ATRNL1: variants seen among roughly 807,000 people sequenced by gnomAD.
The protein encoded by ATRNL1 is attractin like 1.
A neutral mutation model predicts 182.7 loss-of-function variants in ATRNL1; 95 were observed. That is an observed-to-expected ratio of 0.52 (90% CI 0.44 to 0.62). The LOEUF is 0.62. ATRNL1 is among the 20% of genes least tolerant of loss of function. The probability of loss-of-function intolerance (pLI) is 0.00; values close to 1 mark genes in which losing one functional copy is unlikely to be tolerated. For synonymous variants in ATRNL1, 576 were observed against 568.3 expected, an observed-to-expected ratio of 1.01 and a Z score of -0.19; for missense variants, 1,471 against 1,679.5, an observed-to-expected ratio of 0.88 and a Z score of 2.17.
At chr10:115,819,421 C>G (rs1330230948) in intron 27 of ATRNL1, among the ~76,000 whole-genome samples, 1 of 152,060 alleles carries the variant, frequency 6.6e-6, no homozygotes, top group African/African-American at 2.4e-5. Flanking sequence ...GCCTATATCT[C>G]TAGGTTTTAA....
At chr10:115,523,032 T>C (rs574546740) in intron 25 of ATRNL1, among the ~76,000 whole-genome samples, 3 of 152,168 alleles carry the variant, frequency 2.0e-5, no homozygotes, top group Non-Finnish European at 4.4e-5. Flanking sequence ...ATTGCCTCAC[T>C]AGCATCTGTC....
intron 26 of ATRNL1, among the ~76,000 whole-genome samples, chr10:115,618,989 T>C (rs1395468960): frequency 6.6e-6 from 1 of 152,220 alleles, no homozygotes; most frequent in Non-Finnish European, 1.5e-5. Context: ...ATTTTTCCTT[T>C]AGATGTATTT....
intron 17 of ATRNL1, among the ~76,000 whole-genome samples, chr10:115,308,995 C>T (rs1473823078): frequency 2.0e-5 from 3 of 152,102 alleles, no homozygotes; most frequent in African/African-American, 4.8e-5. Flanking sequence ...ATCCCAGCAC[C>T]ATTTATTGAA....
At chr10:115,314,939 G>A (rs1564905171) in intron 17 of ATRNL1, among the ~76,000 whole-genome samples, 2 of 152,204 alleles carry the variant, frequency 1.3e-5, no homozygotes, top group African/African-American at 4.8e-5. Context: ...AGGTTTTCAT[G>A]TTCCCATCCA....
intron 26 of ATRNL1, among the ~76,000 whole-genome samples, chr10:115,651,311 G>A (rs368896759): frequency 4.6e-5 from 7 of 152,234 alleles, no homozygotes; most frequent in South Asian, 4.1e-4. Flanking sequence ...AAACTTCAGC[G>A]TCCCGCATTA....
intron 26 of ATRNL1, among the ~76,000 whole-genome samples, chr10:115,594,148 A>G (rs1257796625): frequency 6.6e-6 from 1 of 152,116 alleles, no homozygotes; most frequent in Admixed American, 6.6e-5. Context: ...TTCTTGGAAG[A>G]GGGAGAAACA....
intron 9 of ATRNL1, among the ~76,000 whole-genome samples, chr10:115,232,572 T>C (rs1440708529): frequency 6.6e-6 from 1 of 152,186 alleles, no homozygotes; most frequent in African/African-American, 2.4e-5. Context: ...GCAGAAGTTG[T>C]CAGTATTTTA....
intron 26 of ATRNL1, among the ~76,000 whole-genome samples, chr10:115,682,554 A>G (rs1289120073): frequency 7.0e-6 from 1 of 143,620 alleles, no homozygotes; most frequent in East Asian, 1.9e-4. Flanking sequence ...CAAAACGAAC[A>G]AACAAACAAA....
intron 25 of ATRNL1, among the ~76,000 whole-genome samples, chr10:115,528,298 C>G (rs964868005): frequency 1.3e-5 from 2 of 151,912 alleles, no homozygotes; most frequent in Non-Finnish European, 2.9e-5. Context: ...GATTCAATCT[C>G]CTTACTGGTT....
At chr10:115,355,746 T>C (rs2134138839) in intron 19 of ATRNL1, among the ~76,000 whole-genome samples, 1 of 152,278 alleles carries the variant, frequency 6.6e-6, no homozygotes. Flanking sequence ...GTTGGTATTA[T>C]GAATACATTT....
intron 18 of ATRNL1, among the ~76,000 whole-genome samples, chr10:115,321,546 G>T (rs1854584571): frequency 6.6e-6 from 1 of 151,738 alleles, no homozygotes; most frequent in Non-Finnish European, 1.5e-5. Context: ...TTGTTTTTAT[G>T]ATGGCAAATA....
chr10:115,506,517 TGGAA>T (rs1554981329), intron 24 of ATRNL1, among the ~76,000 whole-genome samples: 18 of 151,974 alleles, frequency 1.2e-4, no homozygotes, highest in African/African-American at 4.3e-4. Context: ...GCCTAGAAGC[TGGAA>T]AAAAAACTAA....
At chr10:115,838,555 G>A (rs1168051702) in intron 27 of ATRNL1, among the ~76,000 whole-genome samples, 1 of 152,140 alleles carries the variant, frequency 6.6e-6, no homozygotes, top group African/African-American at 2.4e-5. Context: ...TAAGTAACAA[G>A]CAAGCTGGCA....
At chr10:115,440,980 A>T (rs1846644841) in intron 21 of ATRNL1, among the ~76,000 whole-genome samples, 2 of 151,762 alleles carry the variant, frequency 1.3e-5, no homozygotes, top group Non-Finnish European at 2.9e-5. Context: ...AAGCAAATAG[A>T]TGCGAATGTT....
At chr10:115,580,585 T>A (rs1242866613) in intron 26 of ATRNL1, among the ~76,000 whole-genome samples, 8 of 152,122 alleles carry the variant, frequency 5.3e-5, no homozygotes, top group Admixed American at 1.3e-4. Flanking sequence ...GGATTCATAT[T>A]ATTTGATGTA....
At chr10:115,094,299 G>T (rs185132102) in intron 1 of ATRNL1, among the ~76,000 whole-genome samples, 1 of 152,182 alleles carries the variant, frequency 6.6e-6, no homozygotes, top group Non-Finnish European at 1.5e-5. Context: ...GAGCGTTCCA[G>T]ATGTCCGCAG....
At chr10:115,798,697 A>T (rs571369222) in intron 27 of ATRNL1, among the ~76,000 whole-genome samples, 2 of 152,300 alleles carry the variant, frequency 1.3e-5, no homozygotes, top group Admixed American at 1.3e-4. Context: ...TTTCAACTCC[A>T]ATGGAGTTCT....
chr10:115,842,090 A>T (rs1313886647), intron 27 of ATRNL1, among the ~76,000 whole-genome samples: 2 of 151,058 alleles, frequency 1.3e-5, no homozygotes, highest in East Asian at 4.0e-4. Flanking sequence ...TGTTAGAGTG[A>T]TTAATGTGTA....
chr10:115,423,262 C>T (rs1220944594), intron 20 of ATRNL1, among the ~76,000 whole-genome samples: 1 of 152,020 alleles, frequency 6.6e-6, no homozygotes, highest in South Asian at 2.1e-4. Flanking sequence ...TGGCCAGGTG[C>T]GGTGGCTCAA....
Sources: allele counts gnomAD v4.1 joint callset (sites outside exome capture counted in the v4.1 genomes callset), GRCh38; gene constraint gnomAD v4.1.1; transcripts MANE v1.5; gene names NCBI Gene and HGNC (gene_info 2026-07-23, HGNC 2026-07-21).